Variants in TECR observed in about 807,000 individuals in gnomAD.
The protein encoded by TECR is trans-2,3-enoyl-CoA reductase.
In TECR, 19 loss-of-function variants were observed where a neutral mutation model predicts 50.6. The ratio of observed to expected loss-of-function variants is 0.38; its 90% CI spans 0.26 to 0.55. The LOEUF (loss-of-function observed/expected upper bound fraction) is 0.55. Among genes scored for constraint, TECR ranks in the 20% least tolerant of loss-of-function variants. The pLI is 0.79. For synonymous variants in TECR, 168 were observed against 163.5 expected (o/e 1.03, Z -0.21); for missense variants, 313 against 408.3 (o/e 0.77, Z 2.01).
chr19:14,552,434 C>T (rs991765593), intron 1 of TECR, among the ~76,000 whole-genome samples: 1 of 152,036 alleles, frequency 6.6e-6, no homozygotes, highest in African/African-American at 2.4e-5. Context: ...TGGACACTCA[C>T]ATGGGCACTT....
chr19:14,564,027 T>C lies in TECR; in HGVS notation c.313T>C (p.Phe105Leu). The C allele has an allele frequency of 1.9e-6, 3 of 1,613,986 alleles. No homozygotes were observed. Among genetic ancestry groups the C allele is most frequent in the Non-Finnish European group, 2.5e-6 (3 of 1,179,952 alleles). Residue 105 changes from phenylalanine (F) to leucine (L), a missense_variant, in exon 6 of 13, where the codon TTC becomes CTC. Phe to Leu is a conservative substitution (Grantham distance 22). Transcript: ENST00000215567. ...YAGPLFIYLL[F>L]YFRVPFIYGH... ...GGGGCCCCTTTTCATCTACCTGCTCTTCTACTTCCGAGTGCCCTTCATCTA... is the reference window on the plus strand; with the variant it reads ...GGGGCCCCTTTTCATCTACCTGCTCCTCTACTTCCGAGTGCCCTTCATCTA...
intron 1 of TECR, among the ~76,000 whole-genome samples, chr19:14,553,033 A>G (rs947396741): frequency 3.9e-5 from 6 of 151,924 alleles, no homozygotes; most frequent in African/African-American, 7.2e-5. Flanking sequence ...ACCACTGAGA[A>G]TGGGGGGCAG....
chr19:14,551,683 C>T (rs1255689905), intron 1 of TECR, among the ~76,000 whole-genome samples: 3 of 151,990 alleles, frequency 2.0e-5, no homozygotes, highest in South Asian at 2.1e-4. Context: ...TGCTGATAGA[C>T]CTTTTGCTCT....
chr19:14,535,723 T>C, intron 1 of TECR, among the ~76,000 whole-genome samples: 1 of 126,970 alleles, frequency 7.9e-6, no homozygotes, highest in African/African-American at 3.1e-5. Flanking sequence ...ACCACTGCAT[T>C]CCGGTCCTGG....
chr19:14,565,263 G>C lies in TECR; in HGVS notation c.726G>C (p.Leu242=), dbSNP rs1280363852. 6.2e-7 allele frequency: 1 copy of C among 1,613,728 alleles called. No homozygotes were observed. The change falls in exon 11 of 13, where the codon CTG becomes CTC. Residue 242 remains leucine (L), a synonymous_variant. Coordinates refer to ENST00000215567, the MANE Select transcript of TECR (RefSeq NM_138501.6). ...TKNPFTWLFL[L]VSCPNYTYEV... ...ACCCCTTCACGTGGCTCTTCCTGCTGGTGTCCTGCCCCAACTACACCTACG... is the reference window on the plus strand; with the variant it reads ...ACCCCTTCACGTGGCTCTTCCTGCTCGTGTCCTGCCCCAACTACACCTACG...
upstream of TECR, chr19:14,529,220 A>AC: frequency 3.7e-6 from 1 of 269,414 alleles, no homozygotes; most frequent in Non-Finnish European, 7.6e-6. Context: ...CTCAGAATTT[A>AC]CCCCTTCGGC....
Position 14,529,679 on chromosome 19 carries a change from C to T in TECR, c.-18C>T. 6.2e-7 allele frequency: 1 copy of T among 1,613,918 alleles called. No homozygotes were observed. The highest frequency in any genetic ancestry group is 8.5e-7 in the Non-Finnish European group (1 of 1,180,036). ...GGCAGCAGCAGCCGCGGAGCAGTAG[C>T]CGCCGTGGGAGGGAGCCATGAAGCA... On this transcript the variant is annotated 5_prime_UTR_variant, in exon 1 of 13. Transcript: ENST00000215567.
intron 1 of TECR, among the ~76,000 whole-genome samples, chr19:14,558,982 C>CGTGT (rs145913080): frequency 6.6e-6 from 1 of 151,572 alleles, no homozygotes; most frequent in African/African-American, 2.4e-5. Context: ...CCTGGGCAGG[C>CGTGT]GTGTGTGTGT....
At chr19:14,564,340 G>A (rs992865102) in intron 7 of TECR, 53 bp downstream of exon 7, 9 of 935,952 alleles carry the variant, frequency 9.6e-6, no homozygotes, top group South Asian at 5.4e-5. Context: ...GCCCCACCCC[G>A]CCCCGCCCCC....
Position 14,563,170 on chromosome 19 carries a change from G to C in TECR, c.67-36G>C. 7 of 1,613,196 alleles carry C rather than the reference G, an allele frequency of 4.3e-6. No individual in the cohort carries two copies. The highest frequency in any genetic ancestry group is 5.9e-6 in the Non-Finnish European group (7 of 1,179,666). On this transcript the variant is annotated intron_variant, in intron 2 of 12. Coordinates refer to ENST00000215567, the MANE Select transcript of TECR (RefSeq NM_138501.6). This position sits in a 1 kb window ranked among gnomAD's most constrained non-coding sequence, Gnocchi z 5.3. ...TCCCCATCCTGAGTCTGGGCTCCCC[G>C]CAGAGCTGACGTCCCTGCGCCTGTG...
intron 11 of TECR, 84 bp from the exon 12 acceptor site, chr19:14,565,534 G>T: frequency 6.5e-7 from 1 of 1,545,984 alleles, no homozygotes; most frequent in Non-Finnish European, 8.7e-7. Flanking sequence ...AGCAGGGGCG[G>T]CGGGAGGTGG....
chr19:14,544,362 T>A (rs1183311283), intron 1 of TECR, among the ~76,000 whole-genome samples: 1 of 151,930 alleles, frequency 6.6e-6, no homozygotes, highest in South Asian at 2.1e-4. Context: ...AACGAGTATG[T>A]GTATGTTTGA....
intron 1 of TECR, chr19:14,531,881 C>T (rs2072680426): frequency 6.6e-6 from 1 of 152,078 alleles, no homozygotes; most frequent in Admixed American, 6.6e-5. Flanking sequence ...TGTAGTCCCA[C>T]TACTGTAGTC....
chr19:14,533,074 T>C (rs2072732900), intron 1 of TECR, among the ~76,000 whole-genome samples: 1 of 152,018 alleles, frequency 6.6e-6, no homozygotes, highest in African/African-American at 2.4e-5. Flanking sequence ...ATCACGCCAC[T>C]GTACTCCAGC....
At chr19:14,535,265 TGGGAGGCCGA>T (rs945194492) in intron 1 of TECR, among the ~76,000 whole-genome samples, 2 of 151,384 alleles carry the variant, frequency 1.3e-5, no homozygotes, top group African/African-American at 4.9e-5. Flanking sequence ...CCCAGCACTT[TGGGAGGCCGA>T]GGTGGGTGAA....
At chr19:14,534,273 T>C (rs7259198) in intron 1 of TECR, among the ~76,000 whole-genome samples, 52,607 of 150,900 alleles carry the variant, frequency 0.35, 9,542 homozygotes, top group Non-Finnish European at 0.41. Context: ...TACAGGTGCC[T>C]GCCACCATGC....
At position 14,563,155 on chromosome 19, in the gene TECR, G is replaced by C. The variant is rs758995594; in HGVS notation, c.67-51G>C. The C allele has an allele frequency of 1.5e-5, 24 of 1,613,176 alleles. No individual in the cohort carries two copies. Among genetic ancestry groups the C allele is most frequent in the South Asian group, 2.2e-5 (2 of 91,032 alleles). ...ATCCCCTTTAGTACCTCCCCATCCT[G>C]AGTCTGGGCTCCCCGCAGAGCTGAC... On this transcript the variant is annotated intron_variant, in intron 2 of 12. Transcript: ENST00000215567. This position sits in a 1 kb window ranked among gnomAD's most constrained non-coding sequence, Gnocchi z 5.3.
At chr19:14,562,499 C>G in intron 1 of TECR, 26 bp from the exon 2 acceptor site, 1 of 1,614,182 alleles carries the variant, frequency 6.2e-7, no homozygotes, top group Non-Finnish European at 8.5e-7. Flanking sequence ...GCCAAGAAAC[C>G]TAAAAAGGCT....
At chr19:14,529,523 T>A (rs1370698836), upstream of TECR, 2 of 846,518 alleles carry the variant, frequency 2.4e-6, no homozygotes, top group Non-Finnish European at 4.0e-6. Context: ...GGGGCGAACG[T>A]GGGCGCCTCG....
Sources: gnomAD v4.1 joint callset for allele counts (sites outside exome capture counted in the v4.1 genomes callset) on GRCh38, gnomAD v4.1.1 for gene constraint, Gnocchi (gnomAD v3.1) non-coding constraint, MANE v1.5 for transcripts, NCBI Gene and HGNC (gene_info 2026-07-23, HGNC 2026-07-21) for gene names.